DGKK: variants seen among roughly 807,000 people sequenced by gnomAD.
The protein encoded by DGKK is 142 kDa diacylglycerol kinase.
Under a neutral mutation model 92.2 loss-of-function variants are expected in DGKK, and 35 were observed. The observed-to-expected ratio is 0.38, with a 90% CI of 0.29 to 0.50. The LOEUF is 0.50. DGKK is among the 20% of genes least tolerant of loss of function. DGKK has a pLI of 0.92. For synonymous variants in DGKK, 368 were observed against 360.6 expected, an observed-to-expected ratio of 1.02 and a Z score of -0.23; for missense variants, 910 against 992.2, an observed-to-expected ratio of 0.92 and a Z score of 1.11.
At chrX:50,432,017 C>T (rs1270273135) in intron 1 of DGKK, among the ~76,000 whole-genome samples, 2 of 111,996 alleles carry the variant, frequency 1.8e-5, no homozygotes, top group Non-Finnish European at 3.8e-5. Context: ...TCTGCTCATG[C>T]CACTACTGGA....
intron 1 of DGKK, among the ~76,000 whole-genome samples, chrX:50,440,907 G>A (rs1468556066): frequency 8.9e-6 from 1 of 111,740 alleles, no homozygotes; most frequent in Non-Finnish European, 1.9e-5. Flanking sequence ...AGAGTAGGTG[G>A]GCATAGCTTA....
rs189389885 is a variant in DGKK, at chrX:50,372,972, G to A, written c.3502-1138C>T. Among the ~76,000 whole-genome samples the A allele has an allele frequency of 2.8e-3, 319 of 112,344 alleles. 1 individual carries two copies. The highest frequency in any genetic ancestry group is 4.8e-3 in the Non-Finnish European group (253 of 53,238). On this transcript the variant is annotated intron_variant, in intron 25 of 27. Coordinates refer to ENST00000611977, the MANE Select transcript of DGKK (RefSeq NM_001013742.4). ...TTGAGCCTTGCTGGCTGTCACAAAC[G>A]GGTGGCATGTGAATGAGAGGAGTAC...
intron 5 of DGKK, 35 bp downstream of exon 5, chrX:50,404,014 C>T (rs781939876): frequency 1.7e-6 from 2 of 1,202,402 alleles, no homozygotes; most frequent in Non-Finnish European, 2.2e-6. Flanking sequence ...TATCTACCCA[C>T]TGAGCTTCAC....
intron 25 of DGKK, among the ~76,000 whole-genome samples, chrX:50,373,124 CAT>C (rs1428600682): frequency 8.9e-6 from 1 of 112,279 alleles, no homozygotes; most frequent in Admixed American, 9.4e-5. Context: ...ATGCACGGGA[CAT>C]GTGTGTGCCA....
At chrX:50,387,499 A>T in intron 14 of DGKK, 55 bp downstream of exon 14, 1 of 940,833 alleles carries the variant, frequency 1.1e-6, no homozygotes. Flanking sequence ...TTTTTATTAA[A>T]AAGGGCCCCT....
intron 18 of DGKK, among the ~76,000 whole-genome samples, chrX:50,381,240 G>A (rs1275580081): frequency 9.0e-6 from 1 of 111,660 alleles, no homozygotes; most frequent in Non-Finnish European, 1.9e-5. Flanking sequence ...AGCTGAGGCG[G>A]GCGGATTGCC....
At chrX:50,460,356 T>G (rs1242338075) in intron 1 of DGKK, among the ~76,000 whole-genome samples, 1 of 111,867 alleles carries the variant, frequency 8.9e-6, no homozygotes, top group Non-Finnish European at 1.9e-5. Flanking sequence ...AAGCCATACT[T>G]TCATTCCCCT....
At chrX:50,431,084 T>G (rs1557230247) in intron 1 of DGKK, among the ~76,000 whole-genome samples, 1 of 110,721 alleles carries the variant, frequency 9.0e-6, no homozygotes, top group Admixed American at 9.7e-5. Context: ...CAGGCTGAAG[T>G]GCAGTGGCGC....
In DGKK at chrX:50,391,435, A is replaced by G. The variant is rs1557225522; in HGVS notation, c.1844+2T>C. ...CAAGGGCCTGGTCTTTCAGCCACTT[A>G]CCTGTCTAGGATCCTCACACTAGCC... is the stretch of plus-strand genomic sequence containing the variant. On this transcript the variant is annotated splice_donor_variant, in intron 11 of 27. Transcript: ENST00000611977. LOFTEE classifies it high-confidence loss of function. 2 of 1,210,299 alleles carry G rather than the reference A, an allele frequency of 1.7e-6. No homozygotes were observed. The highest frequency in any genetic ancestry group is 2.2e-6 in the Non-Finnish European group (2 of 894,682).
At position 50,432,048 on chromosome X, in the gene DGKK, A is replaced by G. The variant is rs192849184; in HGVS notation, c.646-7690T>C. On this transcript the variant is annotated intron_variant, in intron 1 of 27. Transcript: ENST00000611977. ...CTGGAATCTTCCCTCCTGGCTGTCTAAGGGCTGCAGCAGCAGGATGAGGAA... is the reference window on the plus strand; with the variant it reads ...CTGGAATCTTCCCTCCTGGCTGTCTGAGGGCTGCAGCAGCAGGATGAGGAA... 9.8e-5 allele frequency among the ~76,000 whole-genome samples: 11 copies of G among 111,857 alleles called. No homozygotes were observed. In the East Asian group the frequency reaches 1.7e-3, roughly 17 times the overall value.
chrX:50,447,427 T>A (rs1391796805), intron 1 of DGKK, among the ~76,000 whole-genome samples: 1 of 17,312 alleles, frequency 5.8e-5, no homozygotes, highest in Admixed American at 1.2e-3. Flanking sequence ...TATATATATA[T>A]TATATATATA....
chrX:50,377,589 T>A (rs1924305946), intron 22 of DGKK, among the ~76,000 whole-genome samples: 1 of 112,468 alleles, frequency 8.9e-6, no homozygotes, highest in Non-Finnish European at 1.9e-5. Context: ...GCATTGAATA[T>A]GTGATCAATA....
chrX:50,436,387 C>T (rs1926025979), intron 1 of DGKK, among the ~76,000 whole-genome samples: 1 of 111,883 alleles, frequency 8.9e-6, no homozygotes, highest in Non-Finnish European at 1.9e-5. Context: ...TAATAAATGA[C>T]AGAGCTAAAA....
chrX:50,449,772 G>A (rs1557232329), intron 1 of DGKK, among the ~76,000 whole-genome samples: 1 of 111,719 alleles, frequency 9.0e-6, no homozygotes, highest in Non-Finnish European at 1.9e-5. Context: ...GACTTCTCCA[G>A]CTACAGTACT....
chrX:50,436,143 G>T (rs1557230751), intron 1 of DGKK, among the ~76,000 whole-genome samples: 1 of 112,186 alleles, frequency 8.9e-6, no homozygotes, highest in African/African-American at 3.2e-5. Flanking sequence ...AGGTAACAAA[G>T]CTGAAAAGCT....
At position 50,390,406 on chromosome X, in the gene DGKK, C is replaced by T; in HGVS notation, c.1848G>A (p.Trp616Ter). Residue 616 changes from tryptophan to a stop codon, truncating the protein, a stop_gained, in exon 12 of 28, where the codon TGG becomes TGA. Transcript: ENST00000611977. LOFTEE classifies it high-confidence loss of function. ...TGGGAGTCTCACGAATCATCACACT[C>T]CATCTGAAATGAATTTCAAAGACGG... ...EQASVRILDR[W>*]SVMIRETPRQ... The T allele has an allele frequency of 1.7e-6, 2 of 1,208,010 alleles. No homozygotes were observed. Among genetic ancestry groups the T allele is most frequent in the Admixed American group, 2.2e-5 (1 of 46,007 alleles).
At chrX:50,451,794 C>T (rs1926501015) in intron 1 of DGKK, among the ~76,000 whole-genome samples, 1 of 111,357 alleles carries the variant, frequency 9.0e-6, no homozygotes, top group Non-Finnish European at 1.9e-5. Context: ...CTTAACATTC[C>T]CCTTTAACCA....
intron 12 of DGKK, among the ~76,000 whole-genome samples, chrX:50,388,991 C>T (rs1009460952): frequency 8.9e-6 from 1 of 111,855 alleles, no homozygotes; most frequent in Non-Finnish European, 1.9e-5. Context: ...AATATTACTA[C>T]CAATAATAAC....
Position 50,470,543 on chromosome X carries a change from G to GCAGCGGCGGAGC in DGKK, c.124_135dup (p.Ala42_Leu45dup). On this transcript the variant is annotated inframe_insertion, in exon 1 of 28. Transcript: ENST00000611977. ...ATGGGTTCTGGCGAAGCCTCGGAGA[G>GCAGCGGCGGAGC]CAGCGGCGGAGCCGGCGGCGGAGCC... The GCAGCGGCGGAGC allele has an allele frequency of 8.3e-7, 1 of 1,209,444 alleles. No homozygotes were observed. The highest frequency in any genetic ancestry group is 1.1e-6 in the Non-Finnish European group (1 of 895,050).
Sources: gnomAD v4.1 joint callset for allele counts (sites outside exome capture counted in the v4.1 genomes callset) on GRCh38, gnomAD v4.1.1 for gene constraint, MANE v1.5 for transcripts, NCBI Gene and HGNC (gene_info 2026-07-23, HGNC 2026-07-21) for gene names.